The following SLC16A7 variants were observed in gnomAD, a reference collection of about 807,000 sequenced individuals.
SLC16A7 encodes the protein monocarboxylate transporter 2.
A neutral mutation model predicts 34.9 loss-of-function variants in SLC16A7; 33 were observed. The ratio of observed to expected loss-of-function variants is 0.94; its 90% CI spans 0.72 to 1.26. SLC16A7 has a LOEUF of 1.26. Among genes scored for constraint, SLC16A7 ranks in the 50% most tolerant of loss-of-function variants. The pLI is 0.00. For synonymous variants in SLC16A7, 201 were observed against 206.6 expected (o/e 0.97, Z 0.23); for missense variants, 573 against 578.1 (o/e 0.99, Z 0.09).
chr12:59,706,593 G>A (rs1429513351), intron 3 of SLC16A7, among the ~76,000 whole-genome samples: 1 of 152,038 alleles, frequency 6.6e-6, no homozygotes, highest in Non-Finnish European at 1.5e-5. Context: ...TTGGACAGTT[G>A]CTTTATAGAT....
At chr12:59,619,004 ACT>A (rs1879582750) in intron 1 of SLC16A7, among the ~76,000 whole-genome samples, 1 of 151,956 alleles carries the variant, frequency 6.6e-6, no homozygotes, top group African/African-American at 2.4e-5. Context: ...AATTTCCATG[ACT>A]CTATTTTATT....
At chr12:59,740,184 C>T (rs1236552236) in intron 3 of SLC16A7, among the ~76,000 whole-genome samples, 4 of 151,330 alleles carry the variant, frequency 2.6e-5, no homozygotes, top group Admixed American at 6.6e-5. Flanking sequence ...TTAGGTCTAA[C>T]GTTTAAGTCT....
chr12:59,765,163 A>G (rs1005654288), intron 3 of SLC16A7, among the ~76,000 whole-genome samples: 1 of 152,102 alleles, frequency 6.6e-6, no homozygotes, highest in African/African-American at 2.4e-5. Context: ...TCCTTCGCCC[A>G]CTTTTTGATG....
At chr12:59,688,981 A>G (rs941125476) in intron 2 of SLC16A7, among the ~76,000 whole-genome samples, 1 of 151,960 alleles carries the variant, frequency 6.6e-6, no homozygotes, top group African/African-American at 2.4e-5. Flanking sequence ...AAGGAATTAT[A>G]ATTTTTTCTG....
At chr12:59,667,486 C>G (rs1350696797) in intron 2 of SLC16A7, among the ~76,000 whole-genome samples, 1 of 152,154 alleles carries the variant, frequency 6.6e-6, no homozygotes, top group Non-Finnish European at 1.5e-5. Flanking sequence ...AAAGATTACT[C>G]TTGTTATGCA....
chr12:59,608,717 A>T (rs1947928598), intron 1 of SLC16A7, among the ~76,000 whole-genome samples: 1 of 152,230 alleles, frequency 6.6e-6, no homozygotes, highest in Non-Finnish European at 1.5e-5. Flanking sequence ...TAAGAAAAAA[A>T]TACTTGTATG....
Position 59,786,558 on chromosome 12 carries a change from A to G in SLC16A7, c.*6879A>G, listed in dbSNP as rs1173048044. On this transcript the variant is annotated 3_prime_UTR_variant, in exon 6 of 6. Transcript: ENST00000547379. ...TTTAGTGAAATAGCAAATATGAATT[A>G]AAATATTTATTTCTAAACATTAGAT... 1 of 152,202 alleles carries G rather than the reference A, an allele frequency of 6.6e-6. No homozygotes were observed. The highest frequency in any genetic ancestry group is 6.5e-5 in the Admixed American group (1 of 15,276). 9.4% of individuals were successfully genotyped at this position (152,202 alleles called of 1,614,324 possible). A position where few individuals can be genotyped will look rare whatever the true frequency, so the allele number is the denominator to read the frequency against.
intron 1 of SLC16A7, among the ~76,000 whole-genome samples, chr12:59,604,209 A>G (rs1878825607): frequency 6.6e-6 from 1 of 152,232 alleles, no homozygotes; most frequent in African/African-American, 2.4e-5. Flanking sequence ...GTTTTTCATG[A>G]TGTAACTTGT....
intron 3 of SLC16A7, among the ~76,000 whole-genome samples, chr12:59,748,074 G>A (rs941353214): frequency 6.6e-6 from 1 of 152,050 alleles, no homozygotes; most frequent in South Asian, 2.1e-4. Context: ...ATGGTGGTGG[G>A]TGCCTGTAAT....
intron 3 of SLC16A7, chr12:59,720,268 G>A (rs992673283): frequency 1.9e-6 from 1 of 515,188 alleles, no homozygotes; most frequent in East Asian, 3.3e-5. Context: ...CTTTTTTTAA[G>A]CACCCTTTCA....
At chr12:59,762,144 G>A (rs541395582) in intron 3 of SLC16A7, among the ~76,000 whole-genome samples, 1 of 152,174 alleles carries the variant, frequency 6.6e-6, no homozygotes, top group African/African-American at 2.4e-5. Context: ...ACTGTGTCAT[G>A]TGAATTTTCT....
chr12:59,781,212 A>C lies in SLC16A7; in HGVS notation c.*1533A>C, dbSNP rs1421131248. 6.6e-6 allele frequency: 1 copy of C among 152,472 alleles called. No homozygotes were observed. The highest frequency in any genetic ancestry group is 1.5e-5 in the Non-Finnish European group (1 of 68,026). The allele number at this position is 152,472 out of a possible 1,614,324, so 9.4% of individuals were successfully genotyped here. On this transcript the variant is annotated 3_prime_UTR_variant, in exon 6 of 6. Transcript: ENST00000547379. ...CATTTTGAGTGAGAAAGTACTTTTA[A>C]ACAAGAAAGAAATTGTACATTATGA...
At chr12:59,662,145 T>G (rs1868887006) in intron 2 of SLC16A7, among the ~76,000 whole-genome samples, 1 of 152,108 alleles carries the variant, frequency 6.6e-6, no homozygotes, top group South Asian at 2.1e-4. Context: ...ATCTGAGCCT[T>G]CTGTTCTTTA....
At chr12:59,622,666 T>A (rs1470811383) in intron 1 of SLC16A7, among the ~76,000 whole-genome samples, 6 of 151,746 alleles carry the variant, frequency 4.0e-5, no homozygotes, top group Admixed American at 3.3e-4. Flanking sequence ...GTCATAAAGA[T>A]TCTATCCTAA....
chr12:59,616,019 T>C (rs556606750), intron 1 of SLC16A7, among the ~76,000 whole-genome samples: 1 of 152,224 alleles, frequency 6.6e-6, no homozygotes, highest in East Asian at 1.9e-4. Context: ...CTACAGATAA[T>C]AGTCATGGGA....
chr12:59,628,089 A>G (rs1880006660), intron 1 of SLC16A7, among the ~76,000 whole-genome samples: 1 of 151,766 alleles, frequency 6.6e-6, no homozygotes, highest in South Asian at 2.1e-4. Flanking sequence ...CCACTACTTT[A>G]GGTGAGATCT....
intron 3 of SLC16A7, chr12:59,735,984 T>C: frequency 9.8e-7 from 1 of 1,018,942 alleles, no homozygotes; most frequent in South Asian, 1.5e-5. Context: ...CACCATCTAC[T>C]TGAGGTAACA....
intron 1 of SLC16A7, among the ~76,000 whole-genome samples, chr12:59,606,986 C>A (rs1878976139): frequency 6.6e-6 from 1 of 151,956 alleles, no homozygotes; most frequent in South Asian, 2.1e-4. Context: ...AAGTATAGCC[C>A]CTTGGGCCAA....
At chr12:59,761,627 C>T (rs998679255) in intron 3 of SLC16A7, among the ~76,000 whole-genome samples, 3 of 151,982 alleles carry the variant, frequency 2.0e-5, no homozygotes, top group Non-Finnish European at 4.4e-5. Flanking sequence ...AAAATATGTA[C>T]CATGAGTACA....
Sources: allele counts gnomAD v4.1 joint callset (sites outside exome capture counted in the v4.1 genomes callset), GRCh38; gene constraint gnomAD v4.1.1; transcripts MANE v1.5; gene names NCBI Gene and HGNC (gene_info 2026-07-23, HGNC 2026-07-21).